Variants in SLC4A3 observed in about 807,000 individuals in gnomAD.
The protein encoded by SLC4A3 is anion exchange protein 3.
Under a neutral mutation model 114.2 loss-of-function variants are expected in SLC4A3, and 47 were observed. The ratio of observed to expected loss-of-function variants is 0.41; its 90% CI spans 0.33 to 0.52. The LOEUF (loss-of-function observed/expected upper bound fraction) is 0.52, where lower values mean the gene tolerates loss of function less well. SLC4A3 is among the 20% of genes least tolerant of loss of function. The pLI, the probability that SLC4A3 is intolerant of heterozygous loss-of-function variation, is 0.21. For missense variants in SLC4A3, 1,312 were observed against 1,668.3 expected (o/e 0.79, Z 3.72); for synonymous variants, 693 against 710.3 (o/e 0.98, Z 0.39).
Position 219,633,434 on chromosome 2 carries a change from C to A in SLC4A3, c.1438C>A (p.Pro480Thr). 1 of 1,557,430 alleles carries A rather than the reference C, an allele frequency of 6.4e-7. No homozygotes were observed. Reference protein sequence around the residue: ...DDLGEPAPLWPHDPDAKEKPL... With the variant: ...DDLGEPAPLWTHDPDAKEKPL... ...CCTGGGGGAGCCAGCCCCACTCTGG[C>A]CACATGACCCTGACGCCAAGGAGGT... Residue 480 changes from proline (P) to threonine (T), a missense_variant, in exon 10 of 23, where the codon CCA (proline) becomes ACA (threonine). This residue lies in a region of SLC4A3 where 771 missense variants were observed against 977.7 expected (regional missense o/e 0.79). Transcript: ENST00000358055.
chr2:219,635,922 G>A, intron 14 of SLC4A3, 31 bp downstream of exon 14: 1 of 1,445,654 alleles, frequency 6.9e-7, no homozygotes, highest in Non-Finnish European at 9.1e-7. Flanking sequence ...GAGTTGAGGG[G>A]CTCCTCTAGT....
chr2:219,635,073 G>A (rs1699068039), intron 12 of SLC4A3, among the ~76,000 whole-genome samples, 198 bp from the exon 13 acceptor site: 1 of 152,140 alleles, frequency 6.6e-6, no homozygotes, highest in South Asian at 2.1e-4. Flanking sequence ...AGGGCACCTG[G>A]GGCTTTGGGG....
chr2:219,630,093 C>A lies in SLC4A3; in HGVS notation c.612-60C>A. Reference sequence around the variant, plus strand: ...CCAGGCCGTGCTCTGAGCTGAGGGACGGTGATGGAACCACCGACCTGGCCC... The same window carrying A: ...CCAGGCCGTGCTCTGAGCTGAGGGAAGGTGATGGAACCACCGACCTGGCCC... On this transcript the variant is annotated intron_variant, in intron 5 of 22. Transcript: ENST00000358055. The surrounding 1 kb of genome is among the most constrained non-coding windows in gnomAD (Gnocchi z 6.9). The A allele has an allele frequency of 6.3e-7, 1 of 1,593,894 alleles. No individual in the cohort carries two copies. The highest frequency in any genetic ancestry group is 8.6e-7 in the Non-Finnish European group (1 of 1,168,830).
intron 20 of SLC4A3, among the ~76,000 whole-genome samples, chr2:219,640,218 T>C (rs1441308726): frequency 1.4e-5 from 2 of 138,792 alleles, no homozygotes; most frequent in East Asian, 4.2e-4. Context: ...CGTGAGCCAA[T>C]GTGTCTGCCC....
chr2:219,629,931 TCC>T, intron 5 of SLC4A3: 2 of 840,694 alleles, frequency 2.4e-6, no homozygotes, highest in Non-Finnish European at 3.6e-6. Flanking sequence ...GGTTAGGAGT[TCC>T]CCAGGAGAGA....
Position 219,632,272 on chromosome 2 carries a change from A to T in SLC4A3, c.971A>T (p.Glu324Val), listed in dbSNP as rs754049980. 1 of 1,613,886 alleles carries T rather than the reference A, an allele frequency of 6.2e-7. No homozygotes were observed. Among genetic ancestry groups the T allele is most frequent in the Non-Finnish European group, 8.5e-7 (1 of 1,179,986 alleles). Residue 324 changes from glutamate (E) to valine (V), a missense_variant, in exon 8 of 23, where the codon GAG becomes GTG. Physicochemically the swap from Glu to Val is moderately radical, Grantham distance 121 (BLOSUM62 -2). Coordinates refer to ENST00000358055, the MANE Select transcript of SLC4A3 (RefSeq NM_005070.4). ...LDRRPHEVFVELNELMLDRSQ... is the reference protein window; with the variant it reads ...LDRRPHEVFVVLNELMLDRSQ... The stretch of plus-strand genomic sequence containing the variant: ...TGGCACGCCCCCCAGGTGTTCGTGG[A>T]GCTGAACGAGCTGATGCTGGACCGC...
chr2:219,629,994 G>T (rs571454360), intron 5 of SLC4A3, 159 bp from the exon 6 acceptor site: 91 of 1,433,734 alleles, frequency 6.3e-5, no homozygotes, highest in Non-Finnish European at 1.4e-5. Context: ...GGGGAGCCAC[G>T]GGATGGGGAG....
chr2:219,641,680 C>T lies in SLC4A3; in HGVS notation c.3651C>T (p.Phe1217=), dbSNP rs369285267. Reference sequence around the variant, plus strand: ...ACTCGGAAGATGCTGAACCAAACTTCGATGAGGATGGCCAGGATGAGTACA... The same window carrying T: ...ACTCGGAAGATGCTGAACCAAACTTTGATGAGGATGGCCAGGATGAGTACA... ...ALDSEDAEPN[F]DEDGQDEYNE... is the part of the protein sequence containing the mutation. Residue 1217 remains phenylalanine (F), a synonymous_variant, in exon 23 of 23, where the codon TTC becomes TTT. Transcript: ENST00000358055. This position sits in a 1 kb window ranked among gnomAD's most constrained non-coding sequence, Gnocchi z 4.0. 12 of 1,614,014 alleles carry T rather than the reference C, an allele frequency of 7.4e-6. No individual in the cohort carries two copies. The highest frequency in any genetic ancestry group is 2.2e-5 in the East Asian group (1 of 44,884).
chr2:219,640,732 G>T (rs896742809), intron 21 of SLC4A3, 57 bp from the exon 22 acceptor site: 3 of 1,582,272 alleles, frequency 1.9e-6, no homozygotes, highest in Non-Finnish European at 2.6e-6. Flanking sequence ...CCACGATGTG[G>T]GTGGGTGGGA....
chr2:219,632,465 C>G (rs759720382), intron 8 of SLC4A3, 23 bp downstream of exon 8: 2 of 1,564,708 alleles, frequency 1.3e-6, no homozygotes, highest in Non-Finnish European at 1.7e-6. Context: ...AGGCCTGGCC[C>G]GAGGCTGCAA....
rs1046892030 is a variant in SLC4A3 at position 219,629,274 on chromosome 2, T to C, written c.348T>C (p.Ser116=). 3.1e-6 allele frequency: 5 copies of C among 1,613,728 alleles called. No homozygotes were observed. In the African/African-American group the frequency reaches 6.7e-5, roughly 22 times the overall value. The change falls in exon 4 of 23, where the codon TCT becomes TCC. Residue 116 remains serine, a synonymous_variant. Coordinates refer to ENST00000358055, the MANE Select transcript of SLC4A3 (RefSeq NM_005070.4). ...GAAAGAGGAAGAAGGAGAAAACCTC[T>C]GCTCCTCCCTCCGAGGGGACCCCTC... The part of the protein sequence containing the change: ...TRRKRKKEKT[S]APPSEGTPPI...
Position 219,628,348 on chromosome 2 carries a change from T to G in SLC4A3, c.52-57T>G. 1 of 1,497,246 alleles carries G rather than the reference T, an allele frequency of 6.7e-7. No homozygotes were observed. 92.7% of individuals were successfully genotyped at this position (1,497,246 alleles called of 1,614,324 possible). Reference sequence around the variant, plus strand: ...CCCCAACTAGGGCTTGGAGTTGGGGTGGGTGTGGGGCCTTCATGGGTCAGG... The same window carrying G: ...CCCCAACTAGGGCTTGGAGTTGGGGGGGGTGTGGGGCCTTCATGGGTCAGG... On this transcript the variant is annotated intron_variant, in intron 2 of 22. Coordinates refer to ENST00000358055, the MANE Select transcript of SLC4A3 (RefSeq NM_005070.4). This position sits in a 1 kb window ranked among gnomAD's most constrained non-coding sequence, Gnocchi z 4.8.
intron 5 of SLC4A3, 122 bp downstream of exon 5, chr2:219,629,817 A>C: frequency 5.3e-6 from 1 of 187,140 alleles, no homozygotes; most frequent in Non-Finnish European, 9.3e-6. Context: ...AGAAAAGAGG[A>C]GCAGGGTGTG....
At chr2:219,635,567 A>G (rs971002599) in intron 13 of SLC4A3, 71 bp downstream of exon 13, 6 of 1,493,420 alleles carry the variant, frequency 4.0e-6, no homozygotes, top group Non-Finnish European at 5.5e-6. Flanking sequence ...CTGTGACCCC[A>G]GCCCCGTCCT....
Position 219,631,270 on chromosome 2 carries a change from C to T in SLC4A3, c.812-698C>T, listed in dbSNP as rs1370804530. 5 of 1,290,502 alleles carry T rather than the reference C, an allele frequency of 3.9e-6. No individual in the cohort carries two copies. The highest frequency in any genetic ancestry group is 5.1e-6 in the Non-Finnish European group (5 of 978,914). The allele number at this position is 1,290,502 out of a possible 1,614,324, so 79.9% of individuals were successfully genotyped here. A position where few individuals can be genotyped will look rare whatever the true frequency, so the allele number is the denominator to read the frequency against. ...AGCCCACTGGAGAAGGACCCTGAGCCCAATGGGGCACTGAGCCCTGGGCCT... is the reference window on the plus strand; with the variant it reads ...AGCCCACTGGAGAAGGACCCTGAGCTCAATGGGGCACTGAGCCCTGGGCCT... On this transcript the variant is annotated intron_variant, in intron 6 of 22. Coordinates refer to ENST00000358055, the MANE Select transcript of SLC4A3 (RefSeq NM_005070.4). The surrounding 1 kb of genome is among the most constrained non-coding windows in gnomAD (Gnocchi z 6.3).
Position 219,631,443 on chromosome 2 carries a change from G to A in SLC4A3, c.812-525G>A. ...CAGGGGCCAGCTGGGCCCCATGGCA[G>A]GGCCACCAACTTGTGAGTAACGGGG... On this transcript the variant is annotated intron_variant, in intron 6 of 22. Coordinates refer to ENST00000358055, the MANE Select transcript of SLC4A3 (RefSeq NM_005070.4). The surrounding 1 kb of genome is among the most constrained non-coding windows in gnomAD (Gnocchi z 6.3). 7.7e-7 allele frequency: 1 copy of A among 1,303,906 alleles called. No individual in the cohort carries two copies. The highest frequency in any genetic ancestry group is 1.0e-6 in the Non-Finnish European group (1 of 988,658). 80.8% of individuals were successfully genotyped at this position (1,303,906 alleles called of 1,614,324 possible).
chr2:219,632,525 G>C, intron 8 of SLC4A3, 83 bp downstream of exon 8: 1 of 1,420,504 alleles, frequency 7.0e-7, no homozygotes. Context: ...ACACTCTCTA[G>C]AGTCCTGGGC....
rs141599257 is a variant in SLC4A3 at position 219,628,911 on chromosome 2, G to A, written c.218-233G>A. 7 of 591,790 alleles carry A rather than the reference G, an allele frequency of 1.2e-5. No individual in the cohort carries two copies. The highest frequency in any genetic ancestry group is 2.9e-5 in the East Asian group (1 of 34,588). The allele number at this position is 591,790 out of a possible 1,614,324, so 36.7% of individuals were successfully genotyped here. ...GCCTTTCCCCTCCTTGCTGTATCAC[G>A]TCTCCCCTCCCAGCCCCCTTCATGA... On this transcript the variant is annotated intron_variant, in intron 3 of 22. Coordinates refer to ENST00000358055, the MANE Select transcript of SLC4A3 (RefSeq NM_005070.4). This position sits in a 1 kb window ranked among gnomAD's most constrained non-coding sequence, Gnocchi z 4.8.
rs1698871584 is a variant in SLC4A3 at position 219,630,210 on chromosome 2, G to C, written c.669G>C (p.Trp223Cys). 6.2e-7 allele frequency: 1 copy of C among 1,613,046 alleles called. No homozygotes were observed. The highest frequency in any genetic ancestry group is 8.5e-7 in the Non-Finnish European group (1 of 1,179,708). ...TCGCTGGGGAGAAAAGCCGGCCCTGGAGCCCATCGGCCAGTTATGACCTGC... is the reference window on the plus strand; with the variant it reads ...TCGCTGGGGAGAAAAGCCGGCCCTGCAGCCCATCGGCCAGTTATGACCTGC... The part of the protein sequence containing the change: ...SRLAGEKSRP[W>C]SPSASYDLRE... Residue 223 changes from tryptophan to cysteine, a missense_variant, in exon 6 of 23, where the codon TGG (tryptophan) becomes TGC (cysteine). By Grantham distance (215) the Trp-to-Cys change is radical. Around this residue, in one of 4 missense-constraint regions of SLC4A3, gnomAD observed 771 missense variants for 977.7 expected, o/e 0.79. Coordinates refer to ENST00000358055, the MANE Select transcript of SLC4A3 (RefSeq NM_005070.4). This position sits in a 1 kb window ranked among gnomAD's most constrained non-coding sequence, Gnocchi z 6.9.
Sources: gnomAD v4.1 joint callset for allele counts (sites outside exome capture counted in the v4.1 genomes callset) on GRCh38, gnomAD v4.1.1 for gene constraint, gnomAD v4.1.1 regional missense constraint, Gnocchi (gnomAD v3.1) non-coding constraint, MANE v1.5 for transcripts, NCBI Gene and HGNC (gene_info 2026-07-23, HGNC 2026-07-21) for gene names.